Variants in EIF4E observed in about 807,000 individuals in gnomAD.
EIF4E encodes the protein eukaryotic translation initiation factor 4E.
For missense variants in EIF4E, 113 were observed against 265.6 expected (o/e 0.43, Z 3.99); for synonymous variants, 71 against 88.5 (o/e 0.80, Z 1.11).
At position 98,887,204 on chromosome 4, in the gene EIF4E, G is replaced by A; in HGVS notation, c.286-12C>T. 6.2e-7 allele frequency: 1 copy of A among 1,611,448 alleles called. No individual in the cohort carries two copies. The highest frequency in any genetic ancestry group is 8.5e-7 in the Non-Finnish European group (1 of 1,177,638). On this transcript the variant is annotated splice_polypyrimidine_tract_variant and intron_variant, in intron 4 of 6. Transcript: ENST00000450253. This position sits in a 1 kb window ranked among gnomAD's most constrained non-coding sequence, Gnocchi z 4.0. ...GGCTCAATACCATCCTACAGGGTTA[G>A]AAGACAACAGTATTACACAACATTG...
intron 1 of EIF4E, among the ~76,000 whole-genome samples, chr4:98,915,908 T>C (rs1725357007): frequency 6.6e-6 from 1 of 151,402 alleles, no homozygotes; most frequent in Non-Finnish European, 1.5e-5. Flanking sequence ...TCTTCCTTCT[T>C]AAAACTTTGC....
intron 1 of EIF4E, among the ~76,000 whole-genome samples, chr4:98,910,330 A>G (rs533749315): frequency 1.2e-4 from 19 of 152,336 alleles, no homozygotes; most frequent in African/African-American, 3.1e-4. Flanking sequence ...TTTTCATGTA[A>G]AAGTCCCTGA....
Position 98,881,023 on chromosome 4 carries a change from T to A in EIF4E, c.*5A>T, listed in dbSNP as rs765530897. On this transcript the variant is annotated 3_prime_UTR_variant, in exon 7 of 7. Transcript: ENST00000450253. The stretch of plus-strand genomic sequence containing the variant: ...CTCCTATGAGAATACTCAGAAGGTG[T>A]CTTCTTAAACAACAAACCTATTTTT... 6 of 1,607,768 alleles carry A rather than the reference T, an allele frequency of 3.7e-6. No individual in the cohort carries two copies. The highest frequency in any genetic ancestry group is 1.7e-5 in the Admixed American group (1 of 59,354).
In EIF4E at chr4:98,879,456, T is replaced by C. The variant is rs1723582187; in HGVS notation, c.*1572A>G. On this transcript the variant is annotated 3_prime_UTR_variant, in exon 7 of 7. Transcript: ENST00000450253. ...AGCCATACTTCATCTCACAGGACTA[T>C]ACAAGTATGTACTATGTACAAAACA... is the stretch of plus-strand genomic sequence containing the variant. The C allele has an allele frequency of 6.6e-6, 1 of 152,152 alleles. No homozygotes were observed. Among genetic ancestry groups the C allele is most frequent in the Non-Finnish European group, 1.5e-5 (1 of 68,018 alleles). The allele number at this position is 152,152 out of a possible 1,614,324, so 9.4% of individuals were successfully genotyped here.
chr4:98,889,337 A>T (rs1724055057), intron 3 of EIF4E, among the ~76,000 whole-genome samples: 1 of 152,164 alleles, frequency 6.6e-6, no homozygotes, highest in Admixed American at 6.5e-5. Flanking sequence ...ACAAAAAAAG[A>T]CGGGATACTA....
chr4:98,910,154 G>C (rs548291915), intron 1 of EIF4E, among the ~76,000 whole-genome samples: 1 of 152,250 alleles, frequency 6.6e-6, no homozygotes, highest in Non-Finnish European at 1.5e-5. Context: ...CATCACTCAT[G>C]AAAGTGTGGC....
chr4:98,881,260 A>T, intron 6 of EIF4E, 118 bp from the exon 7 acceptor site: 1 of 1,466,002 alleles, frequency 6.8e-7, no homozygotes, highest in Non-Finnish European at 9.1e-7. Flanking sequence ...CTTGAGAATA[A>T]AATAGGAAAT....
At chr4:98,883,998 C>T (rs1438704706) in intron 6 of EIF4E, among the ~76,000 whole-genome samples, 2 of 147,474 alleles carry the variant, frequency 1.4e-5, no homozygotes, top group African/African-American at 2.5e-5. Context: ...ATGACTGCAC[C>T]ACTGCACTCT....
intron 2 of EIF4E, among the ~76,000 whole-genome samples, chr4:98,896,811 A>G (rs1371400024): frequency 1.3e-5 from 2 of 151,926 alleles, no homozygotes; most frequent in Non-Finnish European, 1.5e-5. Context: ...CTCCAACTCT[A>G]CAAAAAATAC....
At chr4:98,896,497 A>AAC (rs1391164908) in intron 2 of EIF4E, among the ~76,000 whole-genome samples, 1 of 148,120 alleles carries the variant, frequency 6.8e-6, no homozygotes, top group Non-Finnish European at 1.5e-5. Flanking sequence ...AAAAAAAAAA[A>AAC]AAAAAAAAAA....
At chr4:98,914,526 T>C in intron 1 of EIF4E, among the ~76,000 whole-genome samples, 1 of 151,786 alleles carries the variant, frequency 6.6e-6, no homozygotes, top group East Asian at 1.9e-4. Context: ...AACTTAAATG[T>C]ATATTACTAA....
At chr4:98,888,952 A>G (rs548111703) in intron 3 of EIF4E, among the ~76,000 whole-genome samples, 37 of 152,192 alleles carry the variant, frequency 2.4e-4, no homozygotes, top group African/African-American at 8.9e-4. Flanking sequence ...TGAGGTCAGG[A>G]GTTCGAGACC....
chr4:98,914,634 T>A (rs1424388955), intron 1 of EIF4E, among the ~76,000 whole-genome samples: 1 of 152,006 alleles, frequency 6.6e-6, no homozygotes, highest in East Asian at 1.9e-4. Flanking sequence ...GGGGAGGGTA[T>A]AAACAAGCAG....
At chr4:98,901,589 C>T (rs921327024) in intron 2 of EIF4E, among the ~76,000 whole-genome samples, 2 of 152,202 alleles carry the variant, frequency 1.3e-5, no homozygotes, top group African/African-American at 2.4e-5. Context: ...CTAGTATCCC[C>T]GGTCTTTGTC....
intron 1 of EIF4E, chr4:98,928,765 T>G (rs1035488834): frequency 7.8e-7 from 1 of 1,277,038 alleles, no homozygotes; most frequent in Non-Finnish European, 1.0e-6. Context: ...CTTCCTATCA[T>G]GAAGACACCA....
intron 6 of EIF4E, among the ~76,000 whole-genome samples, chr4:98,882,545 C>G (rs1723743760): frequency 6.6e-6 from 1 of 150,548 alleles, no homozygotes; most frequent in Non-Finnish European, 1.5e-5. Flanking sequence ...TTTTTTATAC[C>G]TTCCAGAAGA....
At chr4:98,910,285 T>C (rs1725063923) in intron 1 of EIF4E, among the ~76,000 whole-genome samples, 2 of 152,058 alleles carry the variant, frequency 1.3e-5, no homozygotes, top group Admixed American at 1.3e-4. Context: ...ATACAAATCT[T>C]TCAACATTAA....
intron 1 of EIF4E, among the ~76,000 whole-genome samples, chr4:98,915,822 G>A (rs938581553): frequency 6.6e-6 from 1 of 151,736 alleles, no homozygotes; most frequent in African/African-American, 2.4e-5. Context: ...GATTACAGAC[G>A]TGAGCCACTG....
chr4:98,928,180 C>A (rs1368905599), intron 1 of EIF4E, among the ~76,000 whole-genome samples: 1 of 152,144 alleles, frequency 6.6e-6, no homozygotes. Context: ...GTGCGCACTA[C>A]GCGGAAAGGA....
Sources: gnomAD v4.1 joint callset for allele counts (sites outside exome capture counted in the v4.1 genomes callset) on GRCh38, gnomAD v4.1.1 for gene constraint, Gnocchi (gnomAD v3.1) non-coding constraint, MANE v1.5 for transcripts, NCBI Gene and HGNC (gene_info 2026-07-23, HGNC 2026-07-21) for gene names.